Variants in BTN3A3 observed in about 807,000 individuals in gnomAD.
The protein encoded by BTN3A3 is butyrophilin subfamily 3 member A3, also known as butyrophilin 3.
Under a neutral mutation model 43.2 loss-of-function variants are expected in BTN3A3, and 39 were observed. The ratio of observed to expected loss-of-function variants is 0.90; its 90% CI spans 0.70 to 1.18. BTN3A3 has a LOEUF of 1.18. BTN3A3 is among the 50% of genes most tolerant of loss of function. The pLI is 0.00. For synonymous variants in BTN3A3, 255 were observed against 272.7 expected, an observed-to-expected ratio of 0.93 and a Z score of 0.64; for missense variants, 631 against 722.8, an observed-to-expected ratio of 0.87 and a Z score of 1.46.
intron 9 of BTN3A3, 131 bp from the exon 10 acceptor site, chr6:26,449,976 T>C: frequency 1.8e-6 from 2 of 1,111,722 alleles, no homozygotes; most frequent in Non-Finnish European, 2.7e-6. Context: ...ATCAGAGCTG[T>C]AGAGGAAGGA....
rs761070382 is a variant in BTN3A3, at chr6:26,448,759, G to A, written c.964+5G>A. The A allele has an allele frequency of 4.3e-6, 7 of 1,613,732 alleles. No individual in the cohort carries two copies. The South Asian group carries it at 6.6e-5, about 15-fold the overall frequency. On this transcript the variant is annotated splice_donor_5th_base_variant and intron_variant, in intron 8 of 10. Coordinates refer to ENST00000244519, the MANE Select transcript of BTN3A3 (RefSeq NM_006994.5). Reference sequence around the variant, plus strand: ...GGAAAATCCAGTACATGGCTCGTGAGTGACTCTGACATTTTCTCTGAATTT... The same window carrying A: ...GGAAAATCCAGTACATGGCTCGTGAATGACTCTGACATTTTCTCTGAATTT...
Position 26,451,796 on chromosome 6 carries a change from G to A in BTN3A3, c.1140G>A (p.Trp380Ter). Reference protein sequence around the residue: ...DLPDNPERFEWRYCVLGCENF... With the variant: ...DLPDNPERFE Reference sequence around the variant, plus strand: ...CAGACAACCCTGAGAGATTTGAATGGCGTTACTGTGTCCTTGGCTGTGAAA... The same window carrying A: ...CAGACAACCCTGAGAGATTTGAATGACGTTACTGTGTCCTTGGCTGTGAAA... Residue 380 changes from tryptophan (W) to a stop codon, truncating the protein, a stop_gained, in exon 11 of 11, where the codon TGG (tryptophan) becomes TGA (stop). Coordinates refer to ENST00000244519, the MANE Select transcript of BTN3A3 (RefSeq NM_006994.5). LOFTEE classifies it low-confidence loss of function (END_TRUNC). The A allele has an allele frequency of 6.2e-7, 1 of 1,614,070 alleles. No individual in the cohort carries two copies. The highest frequency in any genetic ancestry group is 1.1e-5 in the South Asian group (1 of 91,088).
Position 26,445,842 on chromosome 6 carries a change from A to G in BTN3A3, c.572A>G (p.Glu191Gly). The change falls in exon 5 of 11, where the codon GAA (glutamate) becomes GGA (glycine). Residue 191 changes from glutamate (E) to glycine (G), a missense_variant. Coordinates refer to ENST00000244519, the MANE Select transcript of BTN3A3 (RefSeq NM_006994.5). ...AAGGGAGAGAACATCCCGGCTGTGG[A>G]AGCACCTGTGGTTGCAGATGGAGTG... ...DTKGENIPAV[E>G]APVVADGVGL... is the part of the protein sequence containing the mutation. The G allele has an allele frequency of 6.2e-7, 1 of 1,614,236 alleles. No homozygotes were observed. Among genetic ancestry groups the G allele is most frequent in the South Asian group, 1.1e-5 (1 of 91,080 alleles).
intron 5 of BTN3A3, among the ~76,000 whole-genome samples, chr6:26,446,775 A>G (rs1192663632): frequency 1.3e-5 from 2 of 152,014 alleles, no homozygotes; most frequent in Admixed American, 1.3e-4. Context: ...GTTGCCCAGG[A>G]TGGAGTGCAA....
At position 26,443,774 on chromosome 6, in the gene BTN3A3, C is replaced by T. The variant is rs1406003227; in HGVS notation, c.85+115C>T. 4 of 1,489,338 alleles carry T rather than the reference C, an allele frequency of 2.7e-6. No homozygotes were observed. In the African/African-American group the frequency reaches 4.2e-5, roughly 15 times the overall value. The allele number at this position is 1,489,338 out of a possible 1,614,324, so 92.3% of individuals were successfully genotyped here. ...CCTCTTAGAACCTTTAACTCATTCC[C>T]ATACCTGGAAGTCCATCCCAACCTG... On this transcript the variant is annotated intron_variant, in intron 3 of 10. Transcript: ENST00000244519.
rs775071550 is a variant in BTN3A3 at position 26,452,357 on chromosome 6, T to C, written c.1701T>C (p.Ser567=). ...PAHPGAEVSP[S]ATTNQNHKLQ... is the part of the protein sequence containing the mutation. ...ACCCTGGAGCTGAGGTCTCCCCTTCTGCAACAACCAATCAGAACCATAAGC... is the reference window on the plus strand; with the variant it reads ...ACCCTGGAGCTGAGGTCTCCCCTTCCGCAACAACCAATCAGAACCATAAGC... Residue 567 remains serine, a synonymous_variant, in exon 11 of 11, where the codon TCT becomes TCC. Transcript: ENST00000244519. 6.2e-7 allele frequency: 1 copy of C among 1,609,772 alleles called. No individual in the cohort carries two copies. Among genetic ancestry groups the C allele is most frequent in the East Asian group, 2.2e-5 (1 of 44,880 alleles).
chr6:26,443,063 T>C (rs1320198860), intron 1 of BTN3A3, among the ~76,000 whole-genome samples: 2 of 152,202 alleles, frequency 1.3e-5, no homozygotes, highest in Non-Finnish European at 2.9e-5. Flanking sequence ...CGTGGTGGGT[T>C]CAGCCCCTGA....
intron 9 of BTN3A3, 117 bp from the exon 10 acceptor site, chr6:26,449,990 T>G: frequency 8.0e-7 from 1 of 1,246,072 alleles, no homozygotes; most frequent in Non-Finnish European, 1.2e-6. Flanking sequence ...GGAAGGAAGC[T>G]GAAGCCTGGA....
Position 26,450,580 on chromosome 6 carries a change from A to G in BTN3A3, c.1018+447A>G, listed in dbSNP as rs1581658987. ...TCCACATTTTTAAATGAAAATTGCA[A>G]TCTGTGTTTTGTGGGGGTGAGGTGA... On this transcript the variant is annotated intron_variant, in intron 10 of 10. Coordinates refer to ENST00000244519, the MANE Select transcript of BTN3A3 (RefSeq NM_006994.5). Among the ~76,000 whole-genome samples, 4 of 152,192 alleles carry G rather than the reference A, an allele frequency of 2.6e-5. No homozygotes were observed. The South Asian group carries it at 6.2e-4, about 24-fold the overall frequency.
intron 5 of BTN3A3, 144 bp from the exon 6 acceptor site, chr6:26,448,104 A>C: frequency 1.1e-6 from 1 of 928,462 alleles, no homozygotes; most frequent in Non-Finnish European, 1.6e-6. Context: ...CAGTCCTCTG[A>C]GACTTTAGGG....
intron 10 of BTN3A3, chr6:26,450,351 C>T: frequency 1.8e-6 from 1 of 562,150 alleles, no homozygotes; most frequent in South Asian, 2.2e-5. Context: ...TGGGCTTCCT[C>T]AGACCTTCCT....
intron 5 of BTN3A3, among the ~76,000 whole-genome samples, 175 bp downstream of exon 5, chr6:26,446,160 G>C (rs556808322): frequency 6.6e-6 from 1 of 152,154 alleles, no homozygotes; most frequent in African/African-American, 2.4e-5. Context: ...GCTTCCCCAC[G>C]CCACAAAGCT....
Position 26,443,839 on chromosome 6 carries a change from T to C in BTN3A3, c.86-118T>C, listed in dbSNP as rs1208264307. The C allele has an allele frequency of 2.0e-6, 3 of 1,497,376 alleles. No individual in the cohort carries two copies. The Admixed American group carries it at 5.7e-5, about 28-fold the overall frequency. 92.8% of individuals were successfully genotyped at this position (1,497,376 alleles called of 1,614,324 possible). On this transcript the variant is annotated intron_variant, in intron 3 of 10. Coordinates refer to ENST00000244519, the MANE Select transcript of BTN3A3 (RefSeq NM_006994.5). ...ACAAAGAGACAAATGGTCCTTCTGT[T>C]AGGATTGTGTTCCCCTCTAGGTTCT...
At position 26,445,994 on chromosome 6, in the gene BTN3A3, C is replaced by T. The variant is rs999661296; in HGVS notation, c.715+9C>T. 2.5e-6 allele frequency: 4 copies of T among 1,613,598 alleles called. No individual in the cohort carries two copies. The African/African-American group carries it at 4.0e-5, about 16-fold the overall frequency. ...CAGCATATCCATCGCAGGTCAGTACCCTGCTTGGCCTCAGCTTTACTGAGC... is the reference window on the plus strand; with the variant it reads ...CAGCATATCCATCGCAGGTCAGTACTCTGCTTGGCCTCAGCTTTACTGAGC... On this transcript the variant is annotated intron_variant, in intron 5 of 10. Coordinates refer to ENST00000244519, the MANE Select transcript of BTN3A3 (RefSeq NM_006994.5).
chr6:26,451,758 C>A lies in BTN3A3; in HGVS notation c.1102C>A (p.Pro368Thr), dbSNP rs1195057746. 1 of 1,613,924 alleles carries A rather than the reference C, an allele frequency of 6.2e-7. No homozygotes were observed. Among genetic ancestry groups the A allele is most frequent in the Non-Finnish European group, 8.5e-7 (1 of 1,179,926 alleles). Residue 368 changes from proline (P) to threonine (T), a missense_variant, in exon 11 of 11, where the codon CCG becomes ACG. Around this residue, in one of 2 missense-constraint regions of BTN3A3, gnomAD observed 551 missense variants for 584.0 expected, o/e 0.94. Transcript: ENST00000244519. ...GAGGAGTGTGCAGCGTGCTGAAGAG[C>A]CGCGGGATCTGCCAGACAACCCTGA... ...DQRSVQRAEE[P>T]RDLPDNPERF... is the part of the protein sequence containing the mutation.
At position 26,444,018 on chromosome 6, in the gene BTN3A3, T is replaced by C; in HGVS notation, c.147T>C (p.Asp49=). 1 of 1,613,942 alleles carries C rather than the reference T, an allele frequency of 6.2e-7. No individual in the cohort carries two copies. The highest frequency in any genetic ancestry group is 8.5e-7 in the Non-Finnish European group (1 of 1,179,854). The change falls in exon 4 of 11, where the codon GAT becomes GAC. Residue 49 remains aspartate (D), a synonymous_variant. Coordinates refer to ENST00000244519, the MANE Select transcript of BTN3A3 (RefSeq NM_006994.5). ...PILAMVGEDA[D]LPCHLFPTMS... Reference sequence around the variant, plus strand: ...TGGCCATGGTGGGTGAAGACGCTGATCTGCCCTGTCACCTGTTCCCGACCA... The same window carrying C: ...TGGCCATGGTGGGTGAAGACGCTGACCTGCCCTGTCACCTGTTCCCGACCA...
In BTN3A3 at chr6:26,448,266, C is replaced by T; in HGVS notation, c.734C>T (p.Ala245Val). 2 of 1,613,568 alleles carry T rather than the reference C, an allele frequency of 1.2e-6. No individual in the cohort carries two copies. The highest frequency in any genetic ancestry group is 1.7e-6 in the Non-Finnish European group (2 of 1,179,910). The change falls in exon 6 of 11, where the codon GCC becomes GTC. Residue 245 changes from alanine to valine, a missense_variant. Ala to Val is a moderately conservative substitution (Grantham distance 64). Transcript: ENST00000244519. ...TTCGCAGACCCCTTCTTCAGGAGCG[C>T]CCAGCCCTGGATCGCGGCCCTGGCA... is the stretch of plus-strand genomic sequence containing the variant. ...ISIADPFFRS[A>V]QPWIAALAGT... is the part of the protein sequence containing the mutation.
chr6:26,441,522 T>C (rs952113615), intron 1 of BTN3A3, among the ~76,000 whole-genome samples: 1 of 152,140 alleles, frequency 6.6e-6, no homozygotes, highest in Admixed American at 6.5e-5. Flanking sequence ...CAACAATAAT[T>C]CCTATAAGTG....
intron 7 of BTN3A3, 22 bp from the exon 8 acceptor site, chr6:26,448,706 T>C (rs1459918394): frequency 6.2e-7 from 1 of 1,614,024 alleles, no homozygotes; most frequent in South Asian, 1.1e-5. Flanking sequence ...TTGATAACCC[T>C]TCCCTATTCA....
Sources: gnomAD v4.1 joint callset for allele counts (sites outside exome capture counted in the v4.1 genomes callset) on GRCh38, gnomAD v4.1.1 for gene constraint, gnomAD v4.1.1 regional missense constraint, MANE v1.5 for transcripts, NCBI Gene and HGNC (gene_info 2026-07-23, HGNC 2026-07-21) for gene names.